Variants in SAMD4A observed in about 807,000 individuals in gnomAD.
SAMD4A encodes protein Smaug homolog 1.
SAMD4A carries 33 observed loss-of-function variants against 81.3 expected under a neutral mutation model. That is an observed-to-expected ratio of 0.41 (90% CI 0.31 to 0.54). The LOEUF (loss-of-function observed/expected upper bound fraction) is 0.54. Among genes scored for constraint, SAMD4A ranks in the 20% least tolerant of loss-of-function variants. SAMD4A has a pLI of 0.37. For synonymous variants in SAMD4A, 389 were observed against 382.1 expected (o/e 1.02, Z -0.21); for missense variants, 854 against 951.1 (o/e 0.90, Z 1.34).
intron 3 of SAMD4A, chr14:54,702,792 A>T: frequency 3.4e-6 from 2 of 588,478 alleles, no homozygotes; most frequent in South Asian, 2.6e-5. Context: ...AAAGTGACTG[A>T]TGGTCCAAAT....
intron 8 of SAMD4A, among the ~76,000 whole-genome samples, chr14:54,769,685 A>G (rs2038649700): frequency 6.6e-6 from 1 of 152,204 alleles, no homozygotes; most frequent in African/African-American, 2.4e-5. Flanking sequence ...CACACCATCA[A>G]GCAGATTGAT....
At chr14:54,626,045 TGTGTGTGTGTGTGTGCGC>T (rs1349842357) in intron 2 of SAMD4A, among the ~76,000 whole-genome samples, 11 of 130,644 alleles carry the variant, frequency 8.4e-5, no homozygotes, top group African/African-American at 3.6e-4. Context: ...TGTGTGTGTG[TGTGTGTGTGTGTGTGCGC>T]GCGCGCGCGC....
intron 2 of SAMD4A, among the ~76,000 whole-genome samples, chr14:54,629,150 C>G (rs367771792): frequency 6.6e-6 from 1 of 152,024 alleles, no homozygotes; most frequent in Non-Finnish European, 1.5e-5. Flanking sequence ...AGGAAGAGCA[C>G]CAGGTATTAA....
chr14:54,781,719 C>A (rs557306082), intron 11 of SAMD4A, among the ~76,000 whole-genome samples: 17 of 152,318 alleles, frequency 1.1e-4, no homozygotes, highest in Admixed American at 5.9e-4. Context: ...ACAGGAGCCA[C>A]AGCAAGGGTT....
chr14:54,785,215 G>A (rs80195014), intron 12 of SAMD4A, among the ~76,000 whole-genome samples: 7 of 152,244 alleles, frequency 4.6e-5, no homozygotes, highest in African/African-American at 1.2e-4. Context: ...AGAGGCGCCT[G>A]CACGTCCACT....
At chr14:54,697,228 G>T (rs2036599271) in intron 2 of SAMD4A, among the ~76,000 whole-genome samples, 1 of 152,308 alleles carries the variant, frequency 6.6e-6, no homozygotes, top group Admixed American at 6.5e-5. Context: ...TCTCCTGAAA[G>T]ACTGACTCAT....
At chr14:54,646,729 A>C (rs1251213127) in intron 2 of SAMD4A, among the ~76,000 whole-genome samples, 2 of 152,238 alleles carry the variant, frequency 1.3e-5, no homozygotes, top group African/African-American at 4.8e-5. Context: ...GCCTGTAAGC[A>C]CTTAATGCAA....
intron 2 of SAMD4A, among the ~76,000 whole-genome samples, chr14:54,683,867 C>T (rs2036188456): frequency 6.6e-6 from 1 of 152,078 alleles, no homozygotes. Flanking sequence ...GTATGGGATC[C>T]CAGAAGCCAA....
chr14:54,646,457 G>T (rs1479869048), intron 2 of SAMD4A, among the ~76,000 whole-genome samples: 1 of 152,244 alleles, frequency 6.6e-6, no homozygotes, highest in Non-Finnish European at 1.5e-5. Context: ...TAGATTGGGA[G>T]ACCCAAGCAT....
Position 54,702,174 on chromosome 14 carries a change from A to G in SAMD4A, c.309A>G (p.Lys103=), listed in dbSNP as rs368103971. Residue 103 remains lysine, a synonymous_variant, in exon 3 of 13, where the codon AAA becomes AAG. Coordinates refer to ENST00000554335, the MANE Select transcript of SAMD4A (RefSeq NM_015589.6). ...TCGACGCGAAAGTAGAATATATGAA[A>G]CTGCTGCCCAAAATCCTGGCTCACT... ...GNLDAKVEYM[K]LLPKILAHSI... The G allele has an allele frequency of 1.9e-6, 3 of 1,613,994 alleles. No homozygotes were observed. Among genetic ancestry groups the G allele is most frequent in the African/African-American group, 1.3e-5 (1 of 74,912 alleles).
At chr14:54,692,905 AAC>A (rs2036485249) in intron 2 of SAMD4A, 1 of 140,636 alleles carries the variant, frequency 7.1e-6, no homozygotes, top group African/African-American at 2.5e-5. Flanking sequence ...TCAGACATAT[AAC>A]AGTCTTAACC....
At chr14:54,578,728 A>C (rs2033380760) in intron 2 of SAMD4A, among the ~76,000 whole-genome samples, 1 of 152,032 alleles carries the variant, frequency 6.6e-6, no homozygotes, top group African/African-American at 2.4e-5. Flanking sequence ...ATAAAAAATA[A>C]AAATAAAAGT....
chr14:54,682,190 G>A (rs1189345971), intron 2 of SAMD4A: 1 of 363,828 alleles, frequency 2.7e-6, no homozygotes, highest in Non-Finnish European at 3.8e-6. Context: ...CTTGAGGTAT[G>A]AGTTTATAGG....
At chr14:54,784,472 G>C (rs1377720235) in intron 11 of SAMD4A, 65 bp from the exon 12 acceptor site, 1 of 1,612,782 alleles carries the variant, frequency 6.2e-7, no homozygotes, top group African/African-American at 1.3e-5. Context: ...TCTCCTGAAG[G>C]TGGAACCAGG....
At chr14:54,708,351 C>T (rs1192861258) in intron 3 of SAMD4A, among the ~76,000 whole-genome samples, 1 of 152,194 alleles carries the variant, frequency 6.6e-6, no homozygotes, top group East Asian at 1.9e-4. Flanking sequence ...TTGGAGTAAG[C>T]TCGGGAGTTC....
At chr14:54,760,625 A>G in intron 7 of SAMD4A, 131 bp downstream of exon 7, 2 of 1,329,812 alleles carry the variant, frequency 1.5e-6, no homozygotes, top group Non-Finnish European at 1.9e-6. Flanking sequence ...CATCTTACAG[A>G]TAGGGAAAGT....
At chr14:54,567,437 C>T (rs1021476644) in intron 1 of SAMD4A, 59 bp from the exon 2 acceptor site, 1 of 161,780 alleles carries the variant, frequency 6.2e-6, no homozygotes, top group Non-Finnish European at 1.3e-5. Context: ...GCCCTCGTCC[C>T]CCCAGGGCGC....
chr14:54,617,654 A>G (rs1210512169), intron 2 of SAMD4A, among the ~76,000 whole-genome samples: 3 of 152,320 alleles, frequency 2.0e-5, no homozygotes, highest in African/African-American at 7.2e-5. Flanking sequence ...ATTTTAAGAA[A>G]TCTTTCGACC....
At chr14:54,576,264 G>A (rs1418096453) in intron 2 of SAMD4A, among the ~76,000 whole-genome samples, 1 of 152,048 alleles carries the variant, frequency 6.6e-6, no homozygotes, top group Non-Finnish European at 1.5e-5. Flanking sequence ...ATTTCTATCT[G>A]TGTATGTGCA....
Sources: allele counts gnomAD v4.1 joint callset (sites outside exome capture counted in the v4.1 genomes callset), GRCh38; gene constraint gnomAD v4.1.1; transcripts MANE v1.5; gene names NCBI Gene and HGNC (gene_info 2026-07-23, HGNC 2026-07-21).